LRRC45: variants seen among roughly 807,000 people sequenced by gnomAD.
LRRC45 encodes the protein leucine rich repeat containing 45.
LRRC45 carries 73 observed loss-of-function variants against 85.4 expected under a neutral mutation model. The ratio of observed to expected loss-of-function variants is 0.85; its 90% CI spans 0.71 to 1.04. The LOEUF is 1.04. LRRC45 is among the 50% of genes least tolerant of loss of function. The pLI is 0.00. For missense variants in LRRC45, 937 were observed against 883.3 expected (o/e 1.06, Z -0.77); for synonymous variants, 429 against 386.0 (o/e 1.11, Z -1.31).
At position 82,029,464 on chromosome 17, in the gene LRRC45, G is replaced by A. The variant is rs1009370109; in HGVS notation, c.1402-79G>A. ...GGCAGAGAGGAGCCCCCCTGGCTGG[G>A]GTTGGCTGGATGGGCCAGAGAGAGA... is the stretch of plus-strand genomic sequence containing the variant. On this transcript the variant is annotated intron_variant, in intron 13 of 16. Coordinates refer to ENST00000306688, the MANE Select transcript of LRRC45 (RefSeq NM_144999.4). The A allele has an allele frequency of 2.1e-6, 3 of 1,460,532 alleles. No individual in the cohort carries two copies. The African/African-American group carries it at 4.2e-5, about 20-fold the overall frequency. The allele number at this position is 1,460,532 out of a possible 1,614,324, so 90.5% of individuals were successfully genotyped here.
chr17:82,024,039 A>G, intron 1 of LRRC45, 176 bp downstream of exon 1: 3 of 710,182 alleles, frequency 4.2e-6, no homozygotes, highest in Non-Finnish European at 6.9e-6. Flanking sequence ...ATGACGGGGG[A>G]GAGGCCTTAA....
chr17:82,027,247 G>A (rs973677960), intron 6 of LRRC45, 139 bp from the exon 7 acceptor site: 7 of 1,122,400 alleles, frequency 6.2e-6, no homozygotes, highest in African/African-American at 4.6e-5. Flanking sequence ...CACCCTTCCT[G>A]TGAAGGAGAC....
At chr17:82,027,512 G>A in intron 7 of LRRC45, 68 bp downstream of exon 7, 2 of 1,602,962 alleles carry the variant, frequency 1.2e-6, no homozygotes, top group Non-Finnish European at 1.7e-6. Context: ...ACTCAGATGG[G>A]ACCAACCTGA....
rs763431422 is a variant in LRRC45 at position 82,030,652 on chromosome 17, C to T, written c.1860C>T (p.Ser620=). ...DHREALLDRE[S]ENASLREKLR... is the part of the protein sequence containing the mutation. ...GAGAGGCGCTGCTGGACAGGGAGAGCGAGAACGCGTCTCTCCGGGAGAAGC... is the reference window on the plus strand; with the variant it reads ...GAGAGGCGCTGCTGGACAGGGAGAGTGAGAACGCGTCTCTCCGGGAGAAGC... The change falls in exon 17 of 17, where the codon AGC becomes AGT. Residue 620 remains serine, a synonymous_variant. Transcript: ENST00000306688. The T allele has an allele frequency of 1.3e-5, 18 of 1,425,270 alleles. No homozygotes were observed. Among genetic ancestry groups the T allele is most frequent in the East Asian group, 5.6e-5 (2 of 35,914 alleles). 88.3% of individuals were successfully genotyped at this position (1,425,270 alleles called of 1,614,324 possible). A position where few individuals can be genotyped will look rare whatever the true frequency, so the allele number is the denominator to read the frequency against.
chr17:82,030,529 G>A, intron 16 of LRRC45, 63 bp downstream of exon 16: 1 of 1,513,366 alleles, frequency 6.6e-7, no homozygotes, highest in African/African-American at 1.4e-5. Context: ...CAGAGAGCGG[G>A]GCTGGCCAGG....
rs1168551424 is a variant in LRRC45 at position 82,029,578 on chromosome 17, G to C, written c.1437G>C (p.Glu479Asp). 5 of 1,579,866 alleles carry C rather than the reference G, an allele frequency of 3.2e-6. No homozygotes were observed. The highest frequency in any genetic ancestry group is 3.4e-6 in the Non-Finnish European group (4 of 1,164,354). ...LSRVKAAALS[E>D]RGQAEEELIK... is the part of the protein sequence containing the mutation. The stretch of plus-strand genomic sequence containing the variant: ...GAGTGAAAGCAGCGGCACTCAGCGA[G>C]CGTGGCCAGGCTGAGGAGGAGCTGA... The change falls in exon 14 of 17, where the codon GAG (glutamate) becomes GAC (aspartate). Residue 479 changes from glutamate to aspartate, a missense_variant. Physicochemically the swap from Glu to Asp is conservative, Grantham distance 45 (BLOSUM62 2). Transcript: ENST00000306688.
At position 82,023,362 on chromosome 17, in the gene LRRC45, G is replaced by C. The variant is rs1055833378; in HGVS notation, c.-282G>C. ...TGTCGCGAGGGCGGGGGTCGGGGCT[G>C]CAGGCGGGGCAGGGCTGGGTGGGGG... On this transcript the variant is annotated 5_prime_UTR_variant, in exon 1 of 17. Transcript: ENST00000306688. 1.3e-5 allele frequency: 6 copies of C among 478,894 alleles called. No homozygotes were observed. The highest frequency in any genetic ancestry group is 2.1e-5 in the African/African-American group (1 of 48,526). The allele number at this position is 478,894 out of a possible 1,614,324, so 29.7% of individuals were successfully genotyped here.
chr17:82,023,622 G>A lies in LRRC45; in HGVS notation c.-22G>A. On this transcript the variant is annotated 5_prime_UTR_variant, in exon 1 of 17. Coordinates refer to ENST00000306688, the MANE Select transcript of LRRC45 (RefSeq NM_144999.4). ...AGCAGCTGCGGGAGCATGCGGAGGA[G>A]GCCCTGCCGGCCCCGCGGGTCATGG... The A allele has an allele frequency of 6.6e-7, 1 of 1,509,626 alleles. No individual in the cohort carries two copies. Among genetic ancestry groups the A allele is most frequent in the South Asian group, 1.2e-5 (1 of 81,022 alleles). 93.5% of individuals were successfully genotyped at this position (1,509,626 alleles called of 1,614,324 possible). A position where few individuals can be genotyped will look rare whatever the true frequency, so the allele number is the denominator to read the frequency against.
chr17:82,026,728 G>A (rs1412037297), intron 5 of LRRC45, 171 bp from the exon 6 acceptor site: 17 of 492,420 alleles, frequency 3.5e-5, no homozygotes, highest in Middle Eastern at 5.8e-4. Context: ...ACAGGTGTGC[G>A]CTACCATGCC....
Position 82,024,314 on chromosome 17 carries a change from C to T in LRRC45, c.257C>T (p.Thr86Ile). 1 of 1,612,490 alleles carries T rather than the reference C, an allele frequency of 6.2e-7. No homozygotes were observed. The change falls in exon 2 of 17, where the codon ACC (threonine) becomes ATC (isoleucine). Residue 86 changes from threonine to isoleucine, a missense_variant. Transcript: ENST00000306688. ...CTGCTCCGAGGCCTGTGTGCCAACACCGTGCTGCGCTTTCTGGACTTAAAG... is the reference window on the plus strand; with the variant it reads ...CTGCTCCGAGGCCTGTGTGCCAACATCGTGCTGCGCTTTCTGGACTTAAAG... ...TLLLRGLCANTVLRFLDLKGN... is the reference protein window; with the variant it reads ...TLLLRGLCANIVLRFLDLKGN...
Position 82,029,164 on chromosome 17 carries a change from G to A in LRRC45, c.1380G>A (p.Ala460=), listed in dbSNP as rs376728810. 23 of 1,611,376 alleles carry A rather than the reference G, an allele frequency of 1.4e-5. No individual in the cohort carries two copies. The highest frequency in any genetic ancestry group is 7.7e-5 in the South Asian group (7 of 90,788). Residue 460 remains alanine (A), a synonymous_variant, in exon 13 of 17, where the codon GCG becomes GCA. Transcript: ENST00000306688. ...AGGAGCGGGTGCAGAGGCTGGAGGC[G>A]GCGCGGCTGTCCCTGGAGGAGGTGA... ...AMQERVQRLE[A]ARLSLEEELS... is the part of the protein sequence containing the mutation.
intron 2 of LRRC45, 94 bp downstream of exon 2, chr17:82,024,433 C>A: frequency 1.4e-6 from 2 of 1,471,694 alleles, no homozygotes; most frequent in Non-Finnish European, 9.3e-7. Flanking sequence ...GGGGTCTGGG[C>A]AGGTGGCTGG....
In LRRC45 at chr17:82,029,546, C is replaced by G; in HGVS notation, c.1405C>G (p.Leu469Val). ...TGGCAGGTGGCCATCTGTGCAGGAG[C>G]TGAGCCGAGTGAAAGCAGCGGCACT... ...EAARLSLEEE[L>V]SRVKAAALSE... Residue 469 changes from leucine (L) to valine (V), a missense_variant, in exon 14 of 17, where the codon CTG becomes GTG. Coordinates refer to ENST00000306688, the MANE Select transcript of LRRC45 (RefSeq NM_144999.4). 1 of 1,567,996 alleles carries G rather than the reference C, an allele frequency of 6.4e-7. No individual in the cohort carries two copies. Among genetic ancestry groups the G allele is most frequent in the Non-Finnish European group, 8.6e-7 (1 of 1,158,140 alleles).
intron 6 of LRRC45, 68 bp from the exon 7 acceptor site, chr17:82,027,318 C>A: frequency 1.3e-6 from 2 of 1,582,414 alleles, no homozygotes; most frequent in Non-Finnish European, 1.7e-6. Context: ...GGCTCTCCTT[C>A]CCCCTGAGAA....
At position 82,023,466 on chromosome 17, in the gene LRRC45, A is replaced by G; in HGVS notation, c.-178A>G. ...CCCCAGCCCAAAGCGGACCTTGACT[A>G]CCGCCCAGCCCCGCGCTCCCAGGAC... On this transcript the variant is annotated 5_prime_UTR_variant, in exon 1 of 17. Transcript: ENST00000306688. 1 of 583,944 alleles carries G rather than the reference A, an allele frequency of 1.7e-6. No homozygotes were observed. Among genetic ancestry groups the G allele is most frequent in the Non-Finnish European group, 2.9e-6 (1 of 339,508 alleles). 36.2% of individuals were successfully genotyped at this position (583,944 alleles called of 1,614,324 possible).
Position 82,028,216 on chromosome 17 carries a change from A to G in LRRC45, c.1048-18A>G. 6.4e-7 allele frequency: 1 copy of G among 1,564,678 alleles called. No individual in the cohort carries two copies. The highest frequency in any genetic ancestry group is 8.7e-7 in the Non-Finnish European group (1 of 1,154,644). On this transcript the variant is annotated intron_variant, in intron 9 of 16. Transcript: ENST00000306688. ...CGGCTTCGTGACCCTCACTACCCATACCCCGTTCCCCTCCCAGGAAGCTGC... is the reference window on the plus strand; with the variant it reads ...CGGCTTCGTGACCCTCACTACCCATGCCCCGTTCCCCTCCCAGGAAGCTGC...
chr17:82,023,714 T>C lies in LRRC45; in HGVS notation c.71T>C (p.Leu24Pro). The C allele has an allele frequency of 2.6e-6, 4 of 1,550,330 alleles. No individual in the cohort carries two copies. The South Asian group carries it at 3.5e-5, about 14-fold the overall frequency. Residue 24 changes from leucine (L) to proline (P), a missense_variant, in exon 1 of 17, where the codon CTG becomes CCG. Transcript: ENST00000306688. ...GGGGCCGAGCCCCAGGAGGCTGTCC[T>C]GCAGCAGCTGCACCAGCTTCCCAGG... The part of the protein sequence containing the change: ...ESGAEPQEAV[L>P]QQLHQLPRGR...
At chr17:82,030,035 C>T in intron 14 of LRRC45, 30 bp from the exon 15 acceptor site, 1 of 1,528,764 alleles carries the variant, frequency 6.5e-7, no homozygotes, top group Middle Eastern at 2.3e-4. Flanking sequence ...CTGAGCCCCT[C>T]ATGCTTCGTG....
chr17:82,024,714 G>T lies in LRRC45; in HGVS notation c.304G>T (p.Gly102Trp). 6.3e-7 allele frequency: 1 copy of T among 1,576,680 alleles called. No homozygotes were observed. ...CTAGGGCAACAACCTTCGGGCTGCAGGGGCCGAGGCTCTGGGAAAACTCCT... is the reference window on the plus strand; with the variant it reads ...CTAGGGCAACAACCTTCGGGCTGCATGGGCCGAGGCTCTGGGAAAACTCCT... The part of the protein sequence containing the change: ...DLKGNNLRAA[G>W]AEALGKLLQQ... Residue 102 changes from glycine to tryptophan, a missense_variant, in exon 3 of 17, where the codon GGG (glycine) becomes TGG (tryptophan). By Grantham distance (184) the Gly-to-Trp change is radical (BLOSUM62 -2). Coordinates refer to ENST00000306688, the MANE Select transcript of LRRC45 (RefSeq NM_144999.4).
Sources: allele counts gnomAD v4.1 joint callset, GRCh38; gene constraint gnomAD v4.1.1; transcripts MANE v1.5; gene names NCBI Gene and HGNC (gene_info 2026-07-23, HGNC 2026-07-21).